Variants in LRCH1 observed in about 807,000 individuals in gnomAD.
The protein encoded by LRCH1 is leucine-rich repeat and calponin homology domain-containing protein 1.
In LRCH1, 23 loss-of-function variants were observed where a neutral mutation model predicts 94.9. That is an observed-to-expected ratio of 0.24 (90% CI 0.17 to 0.34). The LOEUF is 0.34. Ranked by LOEUF, LRCH1 falls within the 10% of genes least tolerant of loss-of-function variation. The pLI, the probability that LRCH1 is intolerant of heterozygous loss-of-function variation, is 1.00. For synonymous variants in LRCH1, 364 were observed against 354.9 expected, an observed-to-expected ratio of 1.03 and a Z score of -0.29; for missense variants, 790 against 945.9, an observed-to-expected ratio of 0.84 and a Z score of 2.16.
At chr13:46,571,756 T>A (rs1375710910) in intron 1 of LRCH1, among the ~76,000 whole-genome samples, 1 of 152,216 alleles carries the variant, frequency 6.6e-6, no homozygotes, top group African/African-American at 2.4e-5. Context: ...TGTAGGCAAT[T>A]CATGTACCTC....
rs142607533 is a variant in LRCH1, at chr13:46,689,249, A to G, written c.1014+53A>G. The G allele has an allele frequency of 3.7e-3, 5,233 of 1,405,334 alleles. 21 individuals are homozygous for G. The highest frequency in any genetic ancestry group is 4.8e-3 in the Non-Finnish European group (4,773 of 1,000,342). The allele number at this position is 1,405,334 out of a possible 1,614,324, so 87.1% of individuals were successfully genotyped here. Reference sequence around the variant, plus strand: ...TTCTGTACTTCTAGACATATCTACCAGTGTTCATTGAACTCCTTTCTGTTA... The same window carrying G: ...TTCTGTACTTCTAGACATATCTACCGGTGTTCATTGAACTCCTTTCTGTTA... On this transcript the variant is annotated intron_variant, in intron 7 of 19. Coordinates refer to ENST00000389797, the MANE Select transcript of LRCH1 (RefSeq NM_001164211.2).
chr13:46,736,878 T>C (rs1267732895), intron 19 of LRCH1, among the ~76,000 whole-genome samples: 1 of 152,204 alleles, frequency 6.6e-6, no homozygotes, highest in Non-Finnish European at 1.5e-5. Flanking sequence ...GCCTAAAATT[T>C]TTTGTCCTAT....
chr13:46,590,364 A>C (rs747800385), intron 1 of LRCH1, among the ~76,000 whole-genome samples: 52 of 152,152 alleles, frequency 3.4e-4, no homozygotes, highest in Non-Finnish European at 6.3e-4. Context: ...ATTTTCTTAC[A>C]ATGTGGCAAT....
intron 1 of LRCH1, among the ~76,000 whole-genome samples, chr13:46,622,645 G>T (rs1287636979): frequency 2.6e-5 from 4 of 152,070 alleles, no homozygotes; most frequent in Non-Finnish European, 5.9e-5. Flanking sequence ...AAATTCAAGG[G>T]GAACTGCTAA....
chr13:46,634,055 T>C (rs1052375014), intron 1 of LRCH1, among the ~76,000 whole-genome samples: 4 of 151,962 alleles, frequency 2.6e-5, no homozygotes, highest in African/African-American at 9.7e-5. Flanking sequence ...AATTTTTGTA[T>C]TTTTAGTAGA....
In LRCH1 at chr13:46,558,431, C is replaced by T. The variant is rs944109283; in HGVS notation, c.307+4728C>T. Among the ~76,000 whole-genome samples the T allele has an allele frequency of 7.2e-5, 11 of 151,734 alleles. No homozygotes were observed. In the South Asian group the frequency reaches 1.0e-3, roughly 14 times the overall value. ...TGTGATTGGAAGGATGGTGCCAAGA[C>T]GTGGAGTAAGAACCTGACAGTTGGC... is the stretch of plus-strand genomic sequence containing the variant. On this transcript the variant is annotated intron_variant, in intron 1 of 19. Coordinates refer to ENST00000389797, the MANE Select transcript of LRCH1 (RefSeq NM_001164211.2).
chr13:46,617,863 T>C (rs1361841815), intron 1 of LRCH1, among the ~76,000 whole-genome samples: 4 of 152,220 alleles, frequency 2.6e-5, no homozygotes, highest in Admixed American at 6.5e-5. Flanking sequence ...ATTTTGCTTT[T>C]GTTCATTTGT....
intron 1 of LRCH1, among the ~76,000 whole-genome samples, chr13:46,617,712 CAG>C (rs1434039638): frequency 1.1e-4 from 16 of 152,200 alleles, no homozygotes; most frequent in Non-Finnish European, 2.2e-4. Flanking sequence ...TGATCTGACT[CAG>C]ACATATTTAC....
At position 46,568,672 on chromosome 13, in the gene LRCH1, G is replaced by A. The variant is rs145747228; in HGVS notation, c.307+14969G>A. ...CGTACCCTATGTAGACATGATTTAA[G>A]TAATGATGATAAAACAGACATAGTG... is the stretch of plus-strand genomic sequence containing the variant. On this transcript the variant is annotated intron_variant, in intron 1 of 19. Transcript: ENST00000389797. Among the ~76,000 whole-genome samples, 626 of 152,296 alleles carry A rather than the reference G, an allele frequency of 4.1e-3. 5 individuals are homozygous for A. Among genetic ancestry groups the A allele is most frequent in the African/African-American group, 0.014 (563 of 41,558 alleles).
chr13:46,643,787 T>A (rs893110373), intron 1 of LRCH1, among the ~76,000 whole-genome samples: 2 of 152,216 alleles, frequency 1.3e-5, no homozygotes, highest in Non-Finnish European at 1.5e-5. Flanking sequence ...TGGAAACCTA[T>A]TAATCAAAAT....
chr13:46,594,498 C>CT (rs1484100701), intron 1 of LRCH1, among the ~76,000 whole-genome samples: 1 of 152,144 alleles, frequency 6.6e-6, no homozygotes, highest in Admixed American at 6.5e-5. Flanking sequence ...AGCAAAGAGG[C>CT]TTAGACCTCT....
intron 1 of LRCH1, among the ~76,000 whole-genome samples, chr13:46,624,503 C>A (rs2050920961): frequency 6.6e-6 from 1 of 152,166 alleles, no homozygotes; most frequent in African/African-American, 2.4e-5. Context: ...AATGCTCTTT[C>A]ATTTTTCGTT....
In LRCH1 at chr13:46,553,343, C is replaced by G; in HGVS notation, c.-54C>G. ...GCTGCCGTTTTCCCCTCGCGGGGAA[C>G]GCTGTGACCCCCCCGCAGGAGCGGC... is the stretch of plus-strand genomic sequence containing the variant. On this transcript the variant is annotated 5_prime_UTR_variant, in exon 1 of 20. Transcript: ENST00000389797. 7.0e-7 allele frequency: 1 copy of G among 1,424,664 alleles called. No homozygotes were observed. The highest frequency in any genetic ancestry group is 9.4e-7 in the Non-Finnish European group (1 of 1,062,734). The allele number at this position is 1,424,664 out of a possible 1,614,324, so 88.3% of individuals were successfully genotyped here. A position where few individuals can be genotyped will look rare whatever the true frequency, so the allele number is the denominator to read the frequency against.
chr13:46,565,841 AT>A (rs1230813537), intron 1 of LRCH1, among the ~76,000 whole-genome samples: 21 of 149,042 alleles, frequency 1.4e-4, no homozygotes, highest in Admixed American at 2.7e-4. Flanking sequence ...AATAATAATA[AT>A]AATAATAATG....
rs200915940 is a variant in LRCH1 at position 46,701,217 on chromosome 13, T to G, written c.1400+10T>G. ...TGCAAGATCCCAATGGGTGTGTATG[T>G]CTCCTTGGTCCAGGTTTCATGTGTA... On this transcript the variant is annotated intron_variant, in intron 11 of 19. Transcript: ENST00000389797. 2 of 1,591,380 alleles carry G rather than the reference T, an allele frequency of 1.3e-6. No individual in the cohort carries two copies. Among genetic ancestry groups the G allele is most frequent in the Non-Finnish European group, 1.7e-6 (2 of 1,159,540 alleles).
chr13:46,642,234 A>C (rs2051166834), intron 1 of LRCH1, among the ~76,000 whole-genome samples: 1 of 152,246 alleles, frequency 6.6e-6, no homozygotes, highest in South Asian at 2.1e-4. Flanking sequence ...CAGGCACCTG[A>C]AATGGGTCAG....
At chr13:46,567,905 G>A (rs527801696) in intron 1 of LRCH1, among the ~76,000 whole-genome samples, 1 of 152,142 alleles carries the variant, frequency 6.6e-6, no homozygotes, top group Non-Finnish European at 1.5e-5. Flanking sequence ...TGCCTCTTAG[G>A]AGGGCGAGTG....
downstream of LRCH1, among the ~76,000 whole-genome samples, chr13:46,746,072 AAG>A (rs1257685392): frequency 6.6e-6 from 1 of 152,204 alleles, no homozygotes; most frequent in Non-Finnish European, 1.5e-5. Flanking sequence ...ACCATTAAGT[AAG>A]AGATTTATGG....
At chr13:46,642,387 TA>T (rs1158583904) in intron 1 of LRCH1, among the ~76,000 whole-genome samples, 1 of 152,252 alleles carries the variant, frequency 6.6e-6, no homozygotes, top group Admixed American at 6.5e-5. Context: ...TGCCACTTAC[TA>T]ACTCAGTGTC....
Sources: gnomAD v4.1 joint callset for allele counts (sites outside exome capture counted in the v4.1 genomes callset) on GRCh38, gnomAD v4.1.1 for gene constraint, MANE v1.5 for transcripts, NCBI Gene and HGNC (gene_info 2026-07-23, HGNC 2026-07-21) for gene names.